SLC29A3: variants seen among roughly 807,000 people sequenced by gnomAD.
The protein encoded by SLC29A3 is solute carrier family 29 member 3.
SLC29A3 carries 18 observed loss-of-function variants against 25.4 expected under a neutral mutation model. That is an observed-to-expected ratio of 0.71 (90% CI 0.49 to 1.05). SLC29A3 has a LOEUF of 1.05. SLC29A3 is among the 50% of genes least tolerant of loss of function. The pLI, the probability that SLC29A3 is intolerant of heterozygous loss-of-function variation, is 0.00. For missense variants in SLC29A3, 586 were observed against 609.0 expected (o/e 0.96, Z 0.40); for synonymous variants, 258 against 267.1 (o/e 0.97, Z 0.33).
intron 5 of SLC29A3, among the ~76,000 whole-genome samples, chr10:71,357,872 G>A (rs1037183446): frequency 1.3e-5 from 2 of 152,228 alleles, no homozygotes; most frequent in Non-Finnish European, 2.9e-5. Context: ...TTTAACAGGT[G>A]AGGAAACTGA....
chr10:71,336,962 C>T (rs1846269243), intron 2 of SLC29A3, among the ~76,000 whole-genome samples: 2 of 152,160 alleles, frequency 1.3e-5, no homozygotes. Context: ...GGGACGGTTG[C>T]ATGCAAGGGT....
At chr10:71,380,490 A>T (rs952046852) in exon 5 of SLC29A3, 1 of 152,168 alleles carries the variant, frequency 6.6e-6, no homozygotes, top group African/African-American at 2.4e-5. Flanking sequence ...AATAATGTAC[A>T]CACACAACAT....
intron 2 of SLC29A3, among the ~76,000 whole-genome samples, chr10:71,326,149 G>T (rs1157049875): frequency 6.6e-6 from 1 of 151,856 alleles, no homozygotes; most frequent in Non-Finnish European, 1.5e-5. Context: ...CAAACTCCTG[G>T]GCTCAAGAGA....
At chr10:71,339,098 C>T (rs1212194685) in intron 2 of SLC29A3, among the ~76,000 whole-genome samples, 1 of 152,252 alleles carries the variant, frequency 6.6e-6, no homozygotes, top group Non-Finnish European at 1.5e-5. Flanking sequence ...CAATGTGGAC[C>T]TCTGTGTACC....
intron 3 of SLC29A3, among the ~76,000 whole-genome samples, chr10:71,373,909 A>G (rs966569147): frequency 1.3e-5 from 2 of 152,210 alleles, no homozygotes; most frequent in African/African-American, 2.4e-5. Flanking sequence ...ATAGGTTGGG[A>G]TATCTACATT....
At chr10:71,334,304 GGCTGACC>G (rs369206474) in intron 2 of SLC29A3, among the ~76,000 whole-genome samples, 14 of 152,308 alleles carry the variant, frequency 9.2e-5, no homozygotes, top group African/African-American at 3.4e-4. Flanking sequence ...TAAACAAATG[GGCTGACC>G]GAAGGCCGAC....
At chr10:71,351,137 A>C (rs898415790) in intron 3 of SLC29A3, among the ~76,000 whole-genome samples, 1 of 152,178 alleles carries the variant, frequency 6.6e-6, no homozygotes, top group Admixed American at 6.5e-5. Flanking sequence ...CACTAGACAA[A>C]GCCAGCAGGA....
rs752239287 is a variant in SLC29A3 at position 71,347,206 on chromosome 10, G to A, written c.383+2915G>A. Reference sequence around the variant, plus strand: ...TTTCCCGACTGGCTTATCCATAATCGCCAAGTGTTTTATTATGTTAAATCT... The same window carrying A: ...TTTCCCGACTGGCTTATCCATAATCACCAAGTGTTTTATTATGTTAAATCT... On this transcript the variant is annotated intron_variant, in intron 3 of 5. Transcript: ENST00000373189. 2.6e-4 allele frequency among the ~76,000 whole-genome samples: 40 copies of A among 152,188 alleles called. No individual in the cohort carries two copies. The South Asian group carries it at 2.7e-3, about 10-fold the overall frequency.
chr10:71,339,673 G>A (rs533356835), intron 2 of SLC29A3, among the ~76,000 whole-genome samples: 4 of 152,254 alleles, frequency 2.6e-5, no homozygotes, highest in African/African-American at 7.2e-5. Context: ...GATGAGCTGC[G>A]CTGGCATCCT....
intron 3 of SLC29A3, among the ~76,000 whole-genome samples, chr10:71,369,534 CA>C (rs745557013): frequency 1.1e-4 from 17 of 152,232 alleles, no homozygotes; most frequent in Admixed American, 2.0e-4. Flanking sequence ...ATTCATATTG[CA>C]AAAAATGAGA....
At chr10:71,344,948 G>T (rs1422134649) in intron 3 of SLC29A3, among the ~76,000 whole-genome samples, 1 of 152,150 alleles carries the variant, frequency 6.6e-6, no homozygotes, top group African/African-American at 2.4e-5. Context: ...GCTGCTGTTC[G>T]CCATGGCCTA....
chr10:71,374,444 T>C (rs1475087966), intron 3 of SLC29A3, among the ~76,000 whole-genome samples: 2 of 152,186 alleles, frequency 1.3e-5, no homozygotes, highest in Non-Finnish European at 2.9e-5. Context: ...TCTGTGTAAC[T>C]TCATGGTAAG....
chr10:71,356,199 C>T lies in SLC29A3; in HGVS notation c.729C>T (p.Leu243=), dbSNP rs1458543944. 7 of 1,614,150 alleles carry T rather than the reference C, an allele frequency of 4.3e-6. No individual in the cohort carries two copies. The highest frequency in any genetic ancestry group is 4.2e-6 in the Non-Finnish European group (5 of 1,180,020). The change falls in exon 5 of 6, where the codon CTC becomes CTT. Residue 243 remains leucine, a synonymous_variant. Coordinates refer to ENST00000373189, the MANE Select transcript of SLC29A3 (RefSeq NM_018344.6). ...TGACGGCCACTGTCTTCCTCGTGCT[C>T]TGCATGGGACTCTACCTGCTGCTGT... The part of the protein sequence containing the change: ...FFLTATVFLV[L]CMGLYLLLSR...
intron 3 of SLC29A3, among the ~76,000 whole-genome samples, chr10:71,371,620 G>C (rs1180163727): frequency 6.6e-6 from 1 of 152,134 alleles, no homozygotes; most frequent in East Asian, 1.9e-4. Flanking sequence ...TTAAGAGCAG[G>C]GACTTAGAAG....
rs906929140 is a variant in SLC29A3, at chr10:71,326,476, A to G, written c.300+3422A>G. Among the ~76,000 whole-genome samples the G allele has an allele frequency of 2.6e-5, 4 of 152,038 alleles. No individual in the cohort carries two copies. The South Asian group carries it at 6.2e-4, about 24-fold the overall frequency. ...GGTGCTTTACAATCCGCTTTTATTT[A>G]CCAGTGACTCCAACGTCCCAGCTTT... On this transcript the variant is annotated intron_variant, in intron 2 of 5. Coordinates refer to ENST00000373189, the MANE Select transcript of SLC29A3 (RefSeq NM_018344.6).
chr10:71,353,019 G>A (rs558562891), intron 4 of SLC29A3, among the ~76,000 whole-genome samples: 15 of 152,218 alleles, frequency 9.9e-5, no homozygotes, highest in Non-Finnish European at 1.9e-4. Flanking sequence ...CAGGAAGCAT[G>A]TGGCCAGGAT....
rs762256099 is a variant in SLC29A3 at position 71,362,629 on chromosome 10, T to C, written c.*21T>C. The C allele has an allele frequency of 1.9e-6, 3 of 1,614,002 alleles. No homozygotes were observed. Among genetic ancestry groups the C allele is most frequent in the Non-Finnish European group, 2.5e-6 (3 of 1,180,004 alleles). On this transcript the variant is annotated 3_prime_UTR_variant, in exon 6 of 6. Coordinates refer to ENST00000373189, the MANE Select transcript of SLC29A3 (RefSeq NM_018344.6). ...TCTAGAAGGGAGGACACAAGGACAT[T>C]GGTGCTTCAGAGCCTTTGAAGATGA...
intron 3 of SLC29A3, among the ~76,000 whole-genome samples, chr10:71,371,119 G>C (rs1847208436): frequency 6.6e-6 from 1 of 152,104 alleles, no homozygotes; most frequent in Non-Finnish European, 1.5e-5. Context: ...ATGTATGATA[G>C]ATTATTGTAA....
chr10:71,324,141 A>G (rs369554498), intron 2 of SLC29A3, among the ~76,000 whole-genome samples: 23 of 152,154 alleles, frequency 1.5e-4, no homozygotes, highest in African/African-American at 5.6e-4. Context: ...GGAGATGGGG[A>G]TTTATAGCCA....
Sources: gnomAD v4.1 joint callset for allele counts (sites outside exome capture counted in the v4.1 genomes callset) on GRCh38, gnomAD v4.1.1 for gene constraint, MANE v1.5 for transcripts, NCBI Gene and HGNC (gene_info 2026-07-23, HGNC 2026-07-21) for gene names.